Variants in PPFIBP2 observed in about 807,000 individuals in gnomAD.
PPFIBP2 encodes the protein liprin-beta-2.
A neutral mutation model predicts 118.3 loss-of-function variants in PPFIBP2; 118 were observed. The ratio of observed to expected loss-of-function variants is 1.00; its 90% CI spans 0.86 to 1.16. The LOEUF is 1.16. Among genes scored for constraint, PPFIBP2 ranks in the 50% most tolerant of loss-of-function variants. The probability of loss-of-function intolerance (pLI) is 0.00; values close to 1 mark genes in which losing one functional copy is unlikely to be tolerated. For synonymous variants in PPFIBP2, 414 were observed against 397.4 expected (o/e 1.04, Z -0.50); for missense variants, 1,195 against 1,073.1 (o/e 1.11, Z -1.59).
Position 7,634,547 on chromosome 11 carries a change from G to A in PPFIBP2, c.1189G>A (p.Asp397Asn). The A allele has an allele frequency of 6.2e-7, 1 of 1,613,096 alleles. No individual in the cohort carries two copies. The highest frequency in any genetic ancestry group is 8.5e-7 in the Non-Finnish European group (1 of 1,179,106). Residue 397 changes from aspartate to asparagine, a missense_variant, in exon 13 of 24, where the codon GAT (aspartate) becomes AAT (asparagine). Asp to Asn is a conservative substitution (Grantham distance 23). Coordinates refer to ENST00000299492, the MANE Select transcript of PPFIBP2 (RefSeq NM_003621.5). ...SLEDLRSESV[D>N]KCMDGNQPFP... ...AGAAGACTTGAGAAGTGAATCTGTG[G>A]ATAAGGTCGGCTCATCAACCTATCC...
chr11:7,650,706 G>A, intron 21 of PPFIBP2, 134 bp from the exon 22 acceptor site: 8 of 835,396 alleles, frequency 9.6e-6, no homozygotes, highest in Non-Finnish European at 1.4e-5. Flanking sequence ...CAGATGGGGT[G>A]GGTCACTAAG....
chr11:7,529,834 C>T (rs1039134966), intron 1 of PPFIBP2, among the ~76,000 whole-genome samples: 1 of 152,228 alleles, frequency 6.6e-6, no homozygotes, highest in Non-Finnish European at 1.5e-5. Context: ...AACCGAGGGG[C>T]TGTAAGAGTG....
chr11:7,548,677 G>T (rs538284471), intron 1 of PPFIBP2, among the ~76,000 whole-genome samples: 2 of 152,280 alleles, frequency 1.3e-5, no homozygotes, highest in South Asian at 4.2e-4. Flanking sequence ...CAGGGGAGGG[G>T]CATTGGGCAG....
intron 5 of PPFIBP2, 51 bp downstream of exon 5, chr11:7,597,724 T>C (rs775065721): frequency 7.0e-7 from 1 of 1,423,984 alleles, no homozygotes; most frequent in African/African-American, 1.4e-5. Flanking sequence ...GCTCATGTGC[T>C]GAAGCCCCTT....
intron 1 of PPFIBP2, among the ~76,000 whole-genome samples, chr11:7,537,067 G>A (rs141818439): frequency 2.0e-5 from 3 of 152,184 alleles, no homozygotes; most frequent in South Asian, 2.1e-4. Context: ...TCAGGTCCCC[G>A]CCTCCTCCTC....
chr11:7,550,040 G>T (rs1381523744), intron 2 of PPFIBP2, among the ~76,000 whole-genome samples: 1 of 152,154 alleles, frequency 6.6e-6, no homozygotes, highest in East Asian at 1.9e-4. Context: ...CCTCTCAACT[G>T]TTTGGTTTTA....
At position 7,535,917 on chromosome 11, in the gene PPFIBP2, G is replaced by A. The variant is rs199998057; in HGVS notation, c.-36-13523G>A. Among the ~76,000 whole-genome samples, 42 of 152,242 alleles carry A rather than the reference G, an allele frequency of 2.8e-4. No individual in the cohort carries two copies. The South Asian group carries it at 6.7e-3, about 24-fold the overall frequency. ...GGGGAAGCATGACAGGTGAATGCAG[G>A]CTGCATAGTTCAATGAGGGACCCGG... On this transcript the variant is annotated intron_variant, in intron 1 of 23. Transcript: ENST00000299492.
At chr11:7,628,526 T>C (rs1850323454) in intron 9 of PPFIBP2, among the ~76,000 whole-genome samples, 180 bp downstream of exon 9, 1 of 152,232 alleles carries the variant, frequency 6.6e-6, no homozygotes, top group Admixed American at 6.5e-5. Context: ...GTTTTTGGCT[T>C]TGATAACTGG....
chr11:7,603,262 C>T (rs1359046099), intron 5 of PPFIBP2, among the ~76,000 whole-genome samples: 4 of 152,178 alleles, frequency 2.6e-5, no homozygotes, highest in African/African-American at 9.7e-5. Context: ...ATGCTTATCC[C>T]ATGTGATGTT....
At chr11:7,624,508 G>A (rs1415279958) in intron 7 of PPFIBP2, among the ~76,000 whole-genome samples, 3 of 152,152 alleles carry the variant, frequency 2.0e-5, no homozygotes, top group African/African-American at 4.8e-5. Flanking sequence ...ATATTAACTT[G>A]GGCCTTTGTG....
At chr11:7,563,278 T>G (rs1854557315) in intron 2 of PPFIBP2, among the ~76,000 whole-genome samples, 1 of 152,166 alleles carries the variant, frequency 6.6e-6, no homozygotes. Context: ...AGCAATGGTT[T>G]GGAGATTGGA....
At chr11:7,638,875 A>G (rs1409502592) in intron 14 of PPFIBP2, among the ~76,000 whole-genome samples, 1 of 152,240 alleles carries the variant, frequency 6.6e-6, no homozygotes, top group African/African-American at 2.4e-5. Flanking sequence ...CCAGGGTCCA[A>G]GCATGGAGCT....
downstream of PPFIBP2, among the ~76,000 whole-genome samples, chr11:7,654,699 C>T (rs143209860): frequency 6.6e-6 from 1 of 152,308 alleles, no homozygotes; most frequent in Non-Finnish European, 1.5e-5. Flanking sequence ...GTTGTAGAGC[C>T]AGTCAGGGCA....
At chr11:7,610,839 C>T (rs1388274603) in intron 6 of PPFIBP2, among the ~76,000 whole-genome samples, 1 of 152,204 alleles carries the variant, frequency 6.6e-6, no homozygotes, top group African/African-American at 2.4e-5. Context: ...GTTTCACTGA[C>T]CCAGATGGAA....
chr11:7,540,654 G>A (rs535622620), intron 1 of PPFIBP2, among the ~76,000 whole-genome samples: 2 of 152,284 alleles, frequency 1.3e-5, no homozygotes, highest in South Asian at 4.1e-4. Context: ...CAATAAATCT[G>A]TAAACACTTA....
At chr11:7,654,873 A>G (rs1323043261), downstream of PPFIBP2, among the ~76,000 whole-genome samples, 1 of 152,198 alleles carries the variant, frequency 6.6e-6, no homozygotes, top group Non-Finnish European at 1.5e-5. Flanking sequence ...GAGGGGTTAC[A>G]CTTGGTGCCC....
Position 7,628,269 on chromosome 11 carries a change from A to T in PPFIBP2, c.827-16A>T, listed in dbSNP as rs141538726. 4.2e-4 allele frequency: 669 copies of T among 1,605,908 alleles called. 4 individuals carry two copies. The African/African-American group carries it at 7.8e-3, about 19-fold the overall frequency. ...TATTTATATAAATAATTATTTCTATACCTGAATTCTTTTAGACCAAGAAAT... is the reference window on the plus strand; with the variant it reads ...TATTTATATAAATAATTATTTCTATTCCTGAATTCTTTTAGACCAAGAAAT... On this transcript the variant is annotated splice_polypyrimidine_tract_variant and intron_variant, in intron 8 of 23. Coordinates refer to ENST00000299492, the MANE Select transcript of PPFIBP2 (RefSeq NM_003621.5).
chr11:7,597,419 C>T lies in PPFIBP2; in HGVS notation c.373-141C>T, dbSNP rs180783658. 5.2e-6 allele frequency: 8 copies of T among 1,538,754 alleles called. No homozygotes were observed. In the African/African-American group the frequency reaches 1.1e-4, roughly 21 times the overall value. The stretch of plus-strand genomic sequence containing the variant: ...GCCTTCGTTCAGGACACTTCCTCCA[C>T]CTGCCACTCAGCAAAAATCAAAATC... On this transcript the variant is annotated intron_variant, in intron 4 of 23. Transcript: ENST00000299492.
chr11:7,579,951 A>T (rs1590345044), intron 3 of PPFIBP2, among the ~76,000 whole-genome samples: 1 of 142,852 alleles, frequency 7.0e-6, no homozygotes, highest in Non-Finnish European at 1.5e-5. Context: ...AAATCTTCTT[A>T]AAAAAAAAAA....
Sources: gnomAD v4.1 joint callset for allele counts (sites outside exome capture counted in the v4.1 genomes callset) on GRCh38, gnomAD v4.1.1 for gene constraint, MANE v1.5 for transcripts, NCBI Gene and HGNC (gene_info 2026-07-23, HGNC 2026-07-21) for gene names.